CDC42SE2: variants seen among roughly 807,000 people sequenced by gnomAD.
CDC42SE2 encodes CDC42 small effector 2.
Under a neutral mutation model 11.5 loss-of-function variants are expected in CDC42SE2, and 3 were observed. That is an observed-to-expected ratio of 0.26 (90% CI 0.12 to 0.67). The LOEUF is 0.67. Ranked by LOEUF, CDC42SE2 falls within the 30% of genes least tolerant of loss-of-function variation. The pLI is 0.80. For missense variants in CDC42SE2, 82 were observed against 106.8 expected, an observed-to-expected ratio of 0.77 and a Z score of 1.02; for synonymous variants, 33 against 34.8, an observed-to-expected ratio of 0.95 and a Z score of 0.18.
At chr5:131,346,006 A>G (rs1462660986) in intron 2 of CDC42SE2, among the ~76,000 whole-genome samples, 3 of 152,260 alleles carry the variant, frequency 2.0e-5, no homozygotes, top group African/African-American at 7.2e-5. Flanking sequence ...GAAGCACTCA[A>G]CATGGAAAGG....
At chr5:131,269,127 A>G (rs930152298) in intron 1 of CDC42SE2, among the ~76,000 whole-genome samples, 1 of 152,126 alleles carries the variant, frequency 6.6e-6, no homozygotes, top group Non-Finnish European at 1.5e-5. Context: ...GTATCTTTCT[A>G]TAATACTAAC....
upstream of CDC42SE2, among the ~76,000 whole-genome samples, chr5:131,260,513 C>T (rs1756714958): frequency 6.6e-6 from 1 of 150,420 alleles, no homozygotes. Context: ...ATCCCAGCTA[C>T]TCAGGAGGCT....
intron 1 of CDC42SE2, among the ~76,000 whole-genome samples, chr5:131,288,722 T>G (rs1358335907): frequency 3.9e-5 from 6 of 152,204 alleles, no homozygotes; most frequent in African/African-American, 1.4e-4. Flanking sequence ...CATTTGTTGC[T>G]TGCAACAGAA....
intron 3 of CDC42SE2, among the ~76,000 whole-genome samples, chr5:131,372,461 C>T (rs1043993770): frequency 1.3e-5 from 2 of 151,936 alleles, no homozygotes; most frequent in African/African-American, 4.8e-5. Flanking sequence ...CGCCTGTAAT[C>T]CCAGCACTTT....
At chr5:131,239,376 G>T in the CDC42SE2 span, among the ~76,000 whole-genome samples, 1 of 151,954 alleles carries the variant, frequency 6.6e-6, no homozygotes, top group Non-Finnish European at 1.5e-5. Context: ...TGTCAAGGCT[G>T]CAGGGAGCCA....
At chr5:131,235,987 TA>T in the CDC42SE2 span, among the ~76,000 whole-genome samples, 1 of 152,246 alleles carries the variant, frequency 6.6e-6, no homozygotes, top group Non-Finnish European at 1.5e-5. Context: ...TGACTTAAGT[TA>T]AAAACCGTTT....
At chr5:131,311,279 C>T (rs976177645) in intron 1 of CDC42SE2, among the ~76,000 whole-genome samples, 1 of 151,448 alleles carries the variant, frequency 6.6e-6, no homozygotes, top group Non-Finnish European at 1.5e-5. Context: ...CCCACACTCT[C>T]TTCTGGCTTG....
chr5:131,268,054 C>CTTTTTT lies in CDC42SE2; in HGVS notation c.-455+3910_-455+3915dup, dbSNP rs148354795. ...AGAGAAGTACATGTACATGCTTATT[C>CTTTTTT]TTTTTTTTTTTTTTTTTTTTTTTTT... On this transcript the variant is annotated intron_variant, in intron 1 of 4. Transcript: ENST00000505065. 4.9e-4 allele frequency among the ~76,000 whole-genome samples: 32 copies of CTTTTTT among 65,440 alleles called. 1 individual carries two copies. The highest frequency in any genetic ancestry group is 6.6e-4 in the African/African-American group (9 of 13,612). The allele number at this position is 65,440 out of a possible 152,430, so 42.9% of individuals were successfully genotyped here. A position where few individuals can be genotyped will look rare whatever the true frequency, so the allele number is the denominator to read the frequency against.
intron 1 of CDC42SE2, among the ~76,000 whole-genome samples, chr5:131,286,393 T>TTTTTG (rs1757341680): frequency 6.7e-6 from 1 of 149,460 alleles, no homozygotes; most frequent in African/African-American, 2.5e-5. Context: ...CAGTTTTTTT[T>TTTTTG]TTTTTTTTTT....
intron 3 of CDC42SE2, among the ~76,000 whole-genome samples, chr5:131,363,202 T>C (rs1001538952): frequency 2.0e-5 from 3 of 151,750 alleles, no homozygotes; most frequent in Non-Finnish European, 1.5e-5. Flanking sequence ...CACCAACTTA[T>C]TGAGCATCAG....
intron 1 of CDC42SE2, among the ~76,000 whole-genome samples, chr5:131,313,656 A>C (rs1428572377): frequency 3.9e-5 from 6 of 152,040 alleles, no homozygotes; most frequent in Non-Finnish European, 8.8e-5. Context: ...CTGGACTCTC[A>C]GTTTTGTTTT....
chr5:131,265,233 C>A (rs1328448301), intron 1 of CDC42SE2, among the ~76,000 whole-genome samples: 3 of 152,092 alleles, frequency 2.0e-5, no homozygotes, highest in Non-Finnish European at 2.9e-5. Flanking sequence ...TTTGGATTTT[C>A]TCTTTTGGTT....
At chr5:131,281,016 T>G (rs149642521) in intron 1 of CDC42SE2, among the ~76,000 whole-genome samples, 4 of 152,358 alleles carry the variant, frequency 2.6e-5, no homozygotes, top group Admixed American at 2.6e-4. Flanking sequence ...TTGCATTCTT[T>G]GGAAATCACC....
chr5:131,216,560 G>C, the CDC42SE2 span, among the ~76,000 whole-genome samples: 11 of 150,612 alleles, frequency 7.3e-5, no homozygotes, highest in African/African-American at 2.5e-4. Flanking sequence ...CTGTCATAAG[G>C]GTTTGTGAAA....
intron 2 of CDC42SE2, among the ~76,000 whole-genome samples, chr5:131,354,380 C>T (rs2149766143): frequency 6.6e-6 from 1 of 152,166 alleles, no homozygotes; most frequent in Non-Finnish European, 1.5e-5. Flanking sequence ...AGCACCTCTT[C>T]CTATTTGTAA....
intron 1 of CDC42SE2, among the ~76,000 whole-genome samples, chr5:131,282,522 A>G (rs1757256707): frequency 6.6e-6 from 1 of 152,240 alleles, no homozygotes; most frequent in South Asian, 2.1e-4. Context: ...CTTCTGAGAG[A>G]TTATTCTAAG....
At chr5:131,351,050 A>T (rs1375378898) in intron 2 of CDC42SE2, among the ~76,000 whole-genome samples, 1 of 151,934 alleles carries the variant, frequency 6.6e-6, no homozygotes, top group Non-Finnish European at 1.5e-5. Context: ...GGCTCAAGTG[A>T]TCCTCCTGCC....
chr5:131,315,716 A>G (rs1758027512), intron 1 of CDC42SE2, among the ~76,000 whole-genome samples: 1 of 152,200 alleles, frequency 6.6e-6, no homozygotes, highest in African/African-American at 2.4e-5. Flanking sequence ...GGTCCACCAA[A>G]GGTATCTGTC....
chr5:131,362,011 C>T (rs1354323397), intron 3 of CDC42SE2, among the ~76,000 whole-genome samples: 1 of 152,080 alleles, frequency 6.6e-6, no homozygotes, highest in Admixed American at 6.6e-5. Flanking sequence ...AGGATGGGGG[C>T]ACGGCGGGCC....
Sources: allele counts gnomAD v4.1 joint callset (sites outside exome capture counted in the v4.1 genomes callset), GRCh38; gene constraint gnomAD v4.1.1; transcripts MANE v1.5; gene names NCBI Gene and HGNC (gene_info 2026-07-23, HGNC 2026-07-21).